The following AATK variants were observed in gnomAD, a reference collection of about 807,000 sequenced individuals.
The protein encoded by AATK is lemur tail kinase 1.
AATK carries 91 observed loss-of-function variants against 114.3 expected under a neutral mutation model. That is an observed-to-expected ratio of 0.80 (90% confidence interval 0.67 to 0.95). The LOEUF is 0.95. Ranked by LOEUF, AATK falls within the 40% of genes least tolerant of loss-of-function variation. AATK has a pLI of 0.00. For missense variants in AATK, 2,176 were observed against 1,965.2 expected (o/e 1.11, Z -2.03); for synonymous variants, 1,075 against 916.5 (o/e 1.17, Z -3.12).
Position 81,121,687 on chromosome 17 carries a change from G to C in AATK, c.2249C>G (p.Ser750Cys), listed in dbSNP as rs201872744. 4.7e-6 allele frequency: 7 copies of C among 1,497,516 alleles called. No individual in the cohort carries two copies. In the Admixed American group the frequency reaches 1.6e-4, roughly 34 times the overall value. The allele number at this position is 1,497,516 out of a possible 1,614,324, so 92.8% of individuals were successfully genotyped here. ...GCCPGLPHLC[S>C]AQGLAPAPCL... ...GGGAGCAGGTGCCAGGCCCTGGGCA[G>C]AGCATAGATGAGGGAGGCCGGGGCA... Residue 750 changes from serine to cysteine, a missense_variant, in exon 11 of 14, where the codon TCT becomes TGT. Around this residue, in one of 4 missense-constraint regions of AATK, gnomAD observed 1,701 missense variants for 1,394.7 expected, o/e 1.22. Transcript: ENST00000326724.
At chr17:81,158,041 G>A (rs1482009670) in intron 1 of AATK, among the ~76,000 whole-genome samples, 1 of 152,252 alleles carries the variant, frequency 6.6e-6, no homozygotes, top group Non-Finnish European at 1.5e-5. Flanking sequence ...GCTGGGCTCA[G>A]GCTTGCCAAG....
chr17:81,145,755 G>T (rs1031825585), intron 1 of AATK, among the ~76,000 whole-genome samples: 1 of 143,460 alleles, frequency 7.0e-6, no homozygotes, highest in Non-Finnish European at 1.5e-5. Flanking sequence ...AAAAAAAAAA[G>T]GGTGTTCGAT....
At chr17:81,162,051 C>A (rs767448124) in intron 1 of AATK, among the ~76,000 whole-genome samples, 17 of 152,134 alleles carry the variant, frequency 1.1e-4, no homozygotes, top group Non-Finnish European at 2.2e-4. Context: ...CTGACCCATG[C>A]CTGGGAGTGT....
In AATK at chr17:81,140,899, A is replaced by G. The variant is rs56069297; in HGVS notation, c.56-6398T>C. 3.0e-3 allele frequency among the ~76,000 whole-genome samples: 125 copies of G among 41,336 alleles called. 5 individuals carry two copies. The highest frequency in any genetic ancestry group is 0.012 in the East Asian group (22 of 1,834). 27.1% of individuals were successfully genotyped at this position (41,336 alleles called of 152,430 possible). ...GGGGCCGTGGGGACCGTGAGCTGTG[A>G]GCCGTGGGGCCGTGGGGCCGTGGGA... On this transcript the variant is annotated intron_variant, in intron 1 of 13. Transcript: ENST00000326724.
chr17:81,145,247 A>AG (rs1268546609), intron 1 of AATK, among the ~76,000 whole-genome samples: 32 of 66,208 alleles, frequency 4.8e-4, no homozygotes, highest in African/African-American at 1.4e-3. Context: ...AAAAAAAAAA[A>AG]AAAGAAAAAG....
At position 81,141,307 on chromosome 17, in the gene AATK, C is replaced by T. The variant is rs544714777; in HGVS notation, c.56-6806G>A. Reference sequence around the variant, plus strand: ...TCTACTAAAAATACAAAAAACTAGCCGGGCATGGTGGCGTGTGCCTGTAAT... The same window carrying T: ...TCTACTAAAAATACAAAAAACTAGCTGGGCATGGTGGCGTGTGCCTGTAAT... On this transcript the variant is annotated intron_variant, in intron 1 of 13. Transcript: ENST00000326724. Among the ~76,000 whole-genome samples, 7 of 152,188 alleles carry T rather than the reference C, an allele frequency of 4.6e-5. No homozygotes were observed. The East Asian group carries it at 1.2e-3, about 25-fold the overall frequency.
intron 1 of AATK, among the ~76,000 whole-genome samples, chr17:81,138,598 CCACACGCACAA>C (rs1449076487): frequency 6.7e-6 from 1 of 149,482 alleles, no homozygotes; most frequent in East Asian, 2.0e-4. Context: ...ACGTGCACAC[CCACACGCACAA>C]CACACACACA....
chr17:81,119,294 A>G (rs910530604), intron 13 of AATK, 86 bp downstream of exon 13: 66 of 1,322,120 alleles, frequency 5.0e-5, no homozygotes, highest in Non-Finnish European at 6.4e-5. Flanking sequence ...GGCCCGGCCC[A>G]GGACCTAGAC....
intron 1 of AATK, among the ~76,000 whole-genome samples, chr17:81,160,899 C>T (rs1217072480): frequency 6.6e-6 from 1 of 152,192 alleles, no homozygotes; most frequent in Admixed American, 6.5e-5. Flanking sequence ...CGAGGTGCTC[C>T]GTGGACCCTC....
chr17:81,123,211 C>A lies in AATK; in HGVS notation c.1095G>T (p.Leu365=). ...GCCCTCACCAGCGGTCCGACAGGGT[C>A]AGCTGCAGCTGGGGCTTGGGCAGCT... The part of the protein sequence containing the change: ...QLKLPKPQLQ[L]TLSDRWYEVM... The change falls in exon 10 of 14, where the codon CTG becomes CTT. Residue 365 remains leucine (L), a synonymous_variant. Transcript: ENST00000326724. 1 of 1,426,206 alleles carries A rather than the reference C, an allele frequency of 7.0e-7. No individual in the cohort carries two copies. The highest frequency in any genetic ancestry group is 1.5e-5 in the South Asian group (1 of 67,468). 88.3% of individuals were successfully genotyped at this position (1,426,206 alleles called of 1,614,324 possible).
Position 81,159,706 on chromosome 17 carries a change from G to A in AATK, c.55+6232C>T, listed in dbSNP as rs9910690. ...ACCGAGCACCAGGGCCTCGTCGGAG[G>A]ATCCTCACACCGAGGACGGCATCCC... On this transcript the variant is annotated intron_variant, in intron 1 of 13. Transcript: ENST00000326724. 4.4e-3 allele frequency among the ~76,000 whole-genome samples: 672 copies of A among 152,010 alleles called. 5 individuals are homozygous for A. Among genetic ancestry groups the A allele is most frequent in the African/African-American group, 0.015 (633 of 41,444 alleles).
intron 1 of AATK, among the ~76,000 whole-genome samples, chr17:81,138,397 A>AC (rs1171681496): frequency 2.1e-5 from 3 of 143,728 alleles, no homozygotes; most frequent in Admixed American, 1.4e-4. Context: ...GTGCACACAC[A>AC]CCCCCACACG....
intron 1 of AATK, among the ~76,000 whole-genome samples, chr17:81,152,669 G>A (rs2061313281): frequency 6.6e-6 from 1 of 152,164 alleles, no homozygotes; most frequent in South Asian, 2.1e-4. Flanking sequence ...ACAGACGCTT[G>A]CTGACACCAA....
chr17:81,120,134 G>A (rs895167121), intron 11 of AATK, 51 bp from the exon 12 acceptor site: 59 of 1,492,668 alleles, frequency 4.0e-5, no homozygotes, highest in Admixed American at 1.2e-4. Context: ...AGCCGCGGCC[G>A]CTCCCACCCC....
Position 81,128,656 on chromosome 17 carries a change from T to A in AATK, c.335-107A>T, listed in dbSNP as rs1393369625. ...CCGCTTGGCCTTTTCTGGGAAACTG[T>A]CCTGAGTCCCTAGCACCAGCTGGCA... On this transcript the variant is annotated intron_variant, in intron 3 of 13. Coordinates refer to ENST00000326724, the MANE Select transcript of AATK (RefSeq NM_001080395.3). The A allele has an allele frequency of 2.0e-6, 3 of 1,517,844 alleles. No homozygotes were observed. The African/African-American group carries it at 4.2e-5, about 21-fold the overall frequency. The allele number at this position is 1,517,844 out of a possible 1,614,324, so 94.0% of individuals were successfully genotyped here.
chr17:81,156,255 A>G (rs1235392707), intron 1 of AATK, among the ~76,000 whole-genome samples: 1 of 151,930 alleles, frequency 6.6e-6, no homozygotes, highest in African/African-American at 2.4e-5. Flanking sequence ...AATGTATGTT[A>G]CCATGTTACA....
chr17:81,128,526 C>A lies in AATK; in HGVS notation c.358G>T (p.Val120Leu). The A allele has an allele frequency of 6.5e-7, 1 of 1,549,302 alleles. No homozygotes were observed. Among genetic ancestry groups the A allele is most frequent in the Non-Finnish European group, 8.7e-7 (1 of 1,146,900 alleles). The change falls in exon 4 of 14, where the codon GTG becomes TTG. Residue 120 changes from valine (V) to leucine (L), a missense_variant. Transcript: ENST00000326724. ...RSVQLLKSTDVGRHSLLYLKE... is the reference protein window; with the variant it reads ...RSVQLLKSTDLGRHSLLYLKE... ...AGGTACAGGAGGCTGTGCCGGCCCA[C>A]GTCTGTGGACTTGAGGAGCTGCACT...
rs1256340093 is a variant in AATK, at chr17:81,128,969, C to T, written c.335-420G>A. 2.0e-5 allele frequency: 21 copies of T among 1,040,390 alleles called. No homozygotes were observed. In the East Asian group the frequency reaches 2.1e-4, roughly 10 times the overall value. 64.4% of individuals were successfully genotyped at this position (1,040,390 alleles called of 1,614,324 possible). On this transcript the variant is annotated intron_variant, in intron 3 of 13. Transcript: ENST00000326724. ...CCTGCCGCAGGCTGGCATCCCACGC[C>T]GGGCGCACCAAAGGCTCCTTTGTTG...
intron 1 of AATK, among the ~76,000 whole-genome samples, chr17:81,147,179 G>A (rs1300069420): frequency 2.0e-5 from 3 of 151,392 alleles, no homozygotes; most frequent in African/African-American, 4.9e-5. Context: ...TGGCTAACAC[G>A]GTGAAACCTT....
Sources: allele counts gnomAD v4.1 joint callset (sites outside exome capture counted in the v4.1 genomes callset), GRCh38; gene constraint gnomAD v4.1.1; regional missense constraint gnomAD v4.1.1; transcripts MANE v1.5; gene names NCBI Gene and HGNC (gene_info 2026-07-23, HGNC 2026-07-21).